The following PHLDB2 variants were observed in gnomAD, a reference collection of about 807,000 sequenced individuals.
PHLDB2 encodes pleckstrin homology like domain family B member 2.
PHLDB2 carries 71 observed loss-of-function variants against 123.6 expected under a neutral mutation model. The ratio of observed to expected loss-of-function variants is 0.57; its 90% CI spans 0.47 to 0.70. PHLDB2 has a LOEUF of 0.70. Ranked by LOEUF, PHLDB2 falls within the 30% of genes least tolerant of loss-of-function variation. PHLDB2 has a pLI of 0.00. For missense variants in PHLDB2, 1,446 were observed against 1,519.5 expected, an observed-to-expected ratio of 0.95 and a Z score of 0.80; for synonymous variants, 547 against 541.6, an observed-to-expected ratio of 1.01 and a Z score of -0.14.
chr3:111,792,668 C>T (rs929161782), intron 1 of PHLDB2, among the ~76,000 whole-genome samples: 10 of 152,220 alleles, frequency 6.6e-5, no homozygotes, highest in African/African-American at 2.4e-4. Flanking sequence ...GATCACGCCA[C>T]TACACTCCAT....
intron 2 of PHLDB2, among the ~76,000 whole-genome samples, chr3:111,851,876 A>C (rs1223740641): frequency 6.8e-6 from 1 of 148,024 alleles, no homozygotes; most frequent in Non-Finnish European, 1.5e-5. Flanking sequence ...TGTATTACTC[A>C]CTCTTTCCCA....
chr3:111,874,641 G>A (rs1400198973), intron 1 of PHLDB2, among the ~76,000 whole-genome samples: 2 of 152,136 alleles, frequency 1.3e-5, no homozygotes, highest in African/African-American at 4.8e-5. Context: ...CTTGGAACTG[G>A]CAAGTTACTT....
At chr3:111,832,625 T>C (rs76359849) in intron 1 of PHLDB2, among the ~76,000 whole-genome samples, 28,319 of 93,590 alleles carry the variant, frequency 0.3, 7,196 homozygotes, top group African/African-American at 0.44. Context: ...TAGATACATA[T>C]CAACTTAAAA....
At position 111,962,243 on chromosome 3, in the gene PHLDB2, C is replaced by T. The variant is rs758407263; in HGVS notation, c.3008C>T (p.Thr1003Ile). The T allele has an allele frequency of 6.3e-7, 1 of 1,579,990 alleles. No homozygotes were observed. Among genetic ancestry groups the T allele is most frequent in the Admixed American group, 2.1e-5 (1 of 48,396 alleles). ...DHSYKDQAFD[T>I]LSLDSSDSME... The stretch of plus-strand genomic sequence containing the variant: ...AGCTACAAGGACCAGGCCTTTGATA[C>T]TCTGAGCCTCGATAGCTCTGATAGC... The change falls in exon 13 of 18, where the codon ACT becomes ATT. Residue 1003 changes from threonine (T) to isoleucine (I), a missense_variant. Around this residue, in one of 3 missense-constraint regions of PHLDB2, gnomAD observed 594 missense variants for 646.0 expected, o/e 0.92. Transcript: ENST00000431670.
At chr3:111,822,521 A>G (rs986893892) in intron 1 of PHLDB2, among the ~76,000 whole-genome samples, 1 of 152,148 alleles carries the variant, frequency 6.6e-6, no homozygotes, top group African/African-American at 2.4e-5. Context: ...CTCCTTGAGC[A>G]GTCTTTAGAC....
rs1490910909 is a variant in PHLDB2, at chr3:111,780,278, A to G, written c.-49+47575A>G. Among the ~76,000 whole-genome samples the G allele has an allele frequency of 2.8e-3, 9 of 3,178 alleles. 2 individuals carry two copies. Among genetic ancestry groups the G allele is most frequent in the African/African-American group, 5.1e-3 (9 of 1,756 alleles). 2.1% of individuals were successfully genotyped at this position (3,178 alleles called of 152,430 possible). ...TTTAAAAGAAGAAGAAGAAAAGAAG[A>G]AGAAGAAGAAGAAGAAGAGGAAGAG... On this transcript the variant is annotated intron_variant, in intron 1 of 17. Coordinates refer to the PHLDB2 transcript ENST00000393923.
intron 1 of PHLDB2, among the ~76,000 whole-genome samples, chr3:111,882,959 A>G (rs185982779): frequency 1.3e-4 from 20 of 152,352 alleles, no homozygotes; most frequent in African/African-American, 4.3e-4. Context: ...AGAGACAACC[A>G]CATTATGAAA....
At chr3:111,773,517 T>A (rs1392566752) in intron 1 of PHLDB2, among the ~76,000 whole-genome samples, 1 of 152,190 alleles carries the variant, frequency 6.6e-6, no homozygotes, top group Admixed American at 6.5e-5. Flanking sequence ...GCAAAATATG[T>A]TTCCACGATC....
chr3:111,737,134 C>A (rs780092589), intron 1 of PHLDB2, among the ~76,000 whole-genome samples: 17 of 152,172 alleles, frequency 1.1e-4, no homozygotes, highest in Non-Finnish European at 2.5e-4. Flanking sequence ...CAGGAGGAAA[C>A]CTTATGCCCT....
intron 8 of PHLDB2, among the ~76,000 whole-genome samples, chr3:111,943,299 AT>A (rs1413731326): frequency 6.6e-6 from 1 of 152,198 alleles, no homozygotes; most frequent in Non-Finnish European, 1.5e-5. Flanking sequence ...TTTCAAAGAA[AT>A]GATGCTGGAT....
At chr3:111,925,275 C>T (rs553595189) in intron 5 of PHLDB2, among the ~76,000 whole-genome samples, 8 of 152,210 alleles carry the variant, frequency 5.3e-5, no homozygotes, top group Non-Finnish European at 1.0e-4. Context: ...CATAGGCATA[C>T]TTCTATAGAA....
chr3:111,834,244 A>AT lies in PHLDB2; in HGVS notation c.-48-11577_-48-11576insT, dbSNP rs1559858365. Among the ~76,000 whole-genome samples, 12 of 87,070 alleles carry AT rather than the reference A, an allele frequency of 1.4e-4. 1 individual carries two copies. Among genetic ancestry groups the AT allele is most frequent in the African/African-American group, 8.9e-4 (10 of 11,234 alleles). The allele number at this position is 87,070 out of a possible 152,430, so 57.1% of individuals were successfully genotyped here. On this transcript the variant is annotated intron_variant, in intron 1 of 17. Transcript: ENST00000393923. ...TATATATATATTATGTATATAATAG[A>AT]ATTATATATATAATTCTATTATATA... is the stretch of plus-strand genomic sequence containing the variant.
At chr3:111,756,566 G>T (rs2059893734) in intron 1 of PHLDB2, among the ~76,000 whole-genome samples, 1 of 152,122 alleles carries the variant, frequency 6.6e-6, no homozygotes, top group Non-Finnish European at 1.5e-5. Flanking sequence ...TGGATTTACT[G>T]CATACAGCAC....
chr3:111,893,266 T>C (rs2066608958), intron 2 of PHLDB2, among the ~76,000 whole-genome samples: 2 of 151,920 alleles, frequency 1.3e-5, no homozygotes, highest in Admixed American at 6.6e-5. Context: ...GTCTTTGAAA[T>C]GTGAAGGCAA....
At chr3:111,967,975 CAAAAAA>C (rs58918022) in intron 15 of PHLDB2, 151 bp downstream of exon 15, 1,360 of 67,804 alleles carry the variant, frequency 0.02, 11 homozygotes, top group South Asian at 0.056. Context: ...CATTCCTGTG[CAAAAAA>C]AAAAAAAAAA....
At chr3:111,762,277 C>A (rs1368087046) in intron 1 of PHLDB2, among the ~76,000 whole-genome samples, 1 of 152,146 alleles carries the variant, frequency 6.6e-6, no homozygotes, top group Non-Finnish European at 1.5e-5. Flanking sequence ...GTTTAGGAAG[C>A]TTTAACACAA....
intron 1 of PHLDB2, among the ~76,000 whole-genome samples, chr3:111,759,807 G>A (rs576121014): frequency 6.6e-6 from 1 of 152,270 alleles, no homozygotes; most frequent in South Asian, 2.1e-4. Flanking sequence ...TCAGATTTTG[G>A]ATTTGAGTTT....
At chr3:111,835,381 T>C (rs6785777) in intron 1 of PHLDB2, among the ~76,000 whole-genome samples, 25,476 of 152,098 alleles carry the variant, frequency 0.17, 4,481 homozygotes, top group African/African-American at 0.43. Context: ...TTATTAAGTG[T>C]TACAGAGATT....
At chr3:111,733,840 G>A (rs769094688) in intron 1 of PHLDB2, among the ~76,000 whole-genome samples, 5 of 152,046 alleles carry the variant, frequency 3.3e-5, no homozygotes, top group Non-Finnish European at 7.4e-5. Context: ...TACAACTTTC[G>A]GGCCTGTGCA....
Sources: allele counts gnomAD v4.1 joint callset (sites outside exome capture counted in the v4.1 genomes callset), GRCh38; gene constraint gnomAD v4.1.1; regional missense constraint gnomAD v4.1.1; transcripts MANE v1.5; gene names NCBI Gene and HGNC (gene_info 2026-07-23, HGNC 2026-07-21).